COG5: variants seen among roughly 807,000 people sequenced by gnomAD.
COG5 encodes the protein component of oligomeric golgi complex 5.
A neutral mutation model predicts 110.4 loss-of-function variants in COG5; 86 were observed. The observed-to-expected ratio is 0.78, with a 90% CI of 0.65 to 0.93. The LOEUF (loss-of-function observed/expected upper bound fraction) is 0.93. Ranked by LOEUF, COG5 falls within the 40% of genes least tolerant of loss-of-function variation. The pLI is 0.00. For synonymous variants in COG5, 360 were observed against 334.6 expected, an observed-to-expected ratio of 1.08 and a Z score of -0.83; for missense variants, 1,077 against 987.0, an observed-to-expected ratio of 1.09 and a Z score of -1.22.
At chr7:107,532,142 C>T (rs1801259107) in intron 5 of COG5, among the ~76,000 whole-genome samples, 1 of 152,132 alleles carries the variant, frequency 6.6e-6, no homozygotes. Flanking sequence ...CTGCAACCTC[C>T]CCCTCCAGGG....
intron 5 of COG5, among the ~76,000 whole-genome samples, chr7:107,528,751 C>T (rs60551362): frequency 6.6e-6 from 1 of 152,118 alleles, no homozygotes; most frequent in African/African-American, 2.4e-5. Context: ...GAGAAAAATT[C>T]TACATGGTGG....
chr7:107,485,635 A>G (rs1039355549), intron 6 of COG5, among the ~76,000 whole-genome samples: 3 of 152,202 alleles, frequency 2.0e-5, no homozygotes, highest in Admixed American at 6.5e-5. Flanking sequence ...CAGTTACTAT[A>G]GTATACAAGT....
At chr7:107,237,690 G>C (rs1801308222) in intron 17 of COG5, among the ~76,000 whole-genome samples, 1 of 152,204 alleles carries the variant, frequency 6.6e-6, no homozygotes, top group Non-Finnish European at 1.5e-5. Flanking sequence ...GTTCCAGCAG[G>C]AAGGGATTTC....
In COG5 at chr7:107,288,522, G is replaced by C. The variant is rs537959489; in HGVS notation, c.1314-4790C>G. On this transcript the variant is annotated intron_variant, in intron 12 of 21. Transcript: ENST00000297135. ...TAGACATCCTAGGGGGCGTGACATA[G>C]TGGTTCTGATTTGTATTGTGGTTCT... is the stretch of plus-strand genomic sequence containing the variant. 2.0e-5 allele frequency among the ~76,000 whole-genome samples: 3 copies of C among 152,188 alleles called. No homozygotes were observed. In the East Asian group the frequency reaches 5.8e-4, roughly 29 times the overall value.
chr7:107,294,013 T>A (rs7789927), intron 12 of COG5, among the ~76,000 whole-genome samples: 95,827 of 151,926 alleles, frequency 0.63, 32,568 homozygotes, highest in African/African-American at 0.91. Flanking sequence ...CAAAAGTTGC[T>A]GTGAGCAGAT....
At chr7:107,527,430 G>T in intron 5 of COG5, 73 bp from the exon 6 acceptor site, 1 of 1,535,224 alleles carries the variant, frequency 6.5e-7, no homozygotes. Context: ...GTAATAACAA[G>T]CACAGTGGGT....
At chr7:107,375,187 T>C (rs1814524939) in intron 7 of COG5, among the ~76,000 whole-genome samples, 1 of 152,088 alleles carries the variant, frequency 6.6e-6, no homozygotes, top group South Asian at 2.1e-4. Context: ...GTCCATGTTG[T>C]TGGATGCAGC....
intron 19 of COG5, among the ~76,000 whole-genome samples, chr7:107,214,902 T>C (rs1490094883): frequency 7.1e-5 from 10 of 141,366 alleles, no homozygotes; most frequent in African/African-American, 1.9e-4. Context: ...GCCTGGGTGA[T>C]AGAGCGAGAC....
rs1796478992 is a variant in COG5 at position 107,469,110 on chromosome 7, T to TG, written c.539-56479dup. The stretch of plus-strand genomic sequence containing the variant: ...TGTACCATTATTTTCATTTTGAAAA[T>TG]GTATCTATCTTATAATGATTTGGCT... On this transcript the variant is annotated intron_variant, in intron 6 of 21. Coordinates refer to ENST00000297135, the MANE Select transcript of COG5 (RefSeq NM_006348.5). 7.3e-5 allele frequency among the ~76,000 whole-genome samples: 11 copies of TG among 151,452 alleles called. No homozygotes were observed. The Middle Eastern group carries it at 0.01, about 141-fold the overall frequency.
intron 21 of COG5, among the ~76,000 whole-genome samples, chr7:107,205,549 G>A (rs1053934635): frequency 6.6e-6 from 1 of 152,230 alleles, no homozygotes; most frequent in Admixed American, 6.5e-5. Flanking sequence ...AGCTGTCTCT[G>A]CCTAACAAAG....
chr7:107,535,427 C>G (rs1801514613), intron 5 of COG5, among the ~76,000 whole-genome samples: 1 of 151,280 alleles, frequency 6.6e-6, no homozygotes, highest in South Asian at 2.1e-4. Flanking sequence ...CAGACTAACA[C>G]AGAAGAAAAG....
At chr7:107,274,721 C>T (rs570755657) in intron 14 of COG5, among the ~76,000 whole-genome samples, 7 of 152,338 alleles carry the variant, frequency 4.6e-5, no homozygotes, top group African/African-American at 1.4e-4. Flanking sequence ...CCCACGCCAA[C>T]AGCGGTTGTT....
intron 6 of COG5, chr7:107,473,998 C>A: frequency 3.7e-6 from 3 of 818,846 alleles, no homozygotes; most frequent in South Asian, 1.8e-5. Flanking sequence ...ATTTAAATTG[C>A]CAAATATCAA....
chr7:107,309,023 C>T (rs1170793705), intron 11 of COG5, among the ~76,000 whole-genome samples: 1 of 144,718 alleles, frequency 6.9e-6, no homozygotes, highest in East Asian at 2.0e-4. Flanking sequence ...AATGGGAAAT[C>T]ATGTGGAAAG....
chr7:107,269,390 G>A (rs747325037), intron 14 of COG5, among the ~76,000 whole-genome samples: 1 of 151,600 alleles, frequency 6.6e-6, no homozygotes, highest in Non-Finnish European at 1.5e-5. Flanking sequence ...CAGGAGAATG[G>A]CATGAACCTG....
chr7:107,320,401 T>C (rs760836208), intron 11 of COG5, among the ~76,000 whole-genome samples: 9 of 152,234 alleles, frequency 5.9e-5, no homozygotes, highest in Non-Finnish European at 1.3e-4. Flanking sequence ...CAAAATGCCA[T>C]AGATCATTCA....
chr7:107,500,340 G>C (rs1034945049), intron 6 of COG5, among the ~76,000 whole-genome samples: 1 of 152,184 alleles, frequency 6.6e-6, no homozygotes, highest in African/African-American at 2.4e-5. Flanking sequence ...CAGAGCCCTA[G>C]ACCATGCAAT....
intron 6 of COG5, among the ~76,000 whole-genome samples, chr7:107,507,679 T>C (rs1799131091): frequency 6.6e-6 from 1 of 152,082 alleles, no homozygotes; most frequent in Non-Finnish European, 1.5e-5. Context: ...ATTACTTCAG[T>C]AATTAATGGG....
At chr7:107,459,010 C>T (rs1397502957) in intron 6 of COG5, among the ~76,000 whole-genome samples, 1 of 151,346 alleles carries the variant, frequency 6.6e-6, no homozygotes. Context: ...GTAAAAATTA[C>T]TCAATCCAAA....
Sources: allele counts gnomAD v4.1 joint callset (sites outside exome capture counted in the v4.1 genomes callset), GRCh38; gene constraint gnomAD v4.1.1; transcripts MANE v1.5; gene names NCBI Gene and HGNC (gene_info 2026-07-23, HGNC 2026-07-21).